CNTN6: variants seen among roughly 807,000 people sequenced by gnomAD.
CNTN6 encodes contactin 6, also known as contactin-6.
CNTN6 carries 137 observed loss-of-function variants against 122.8 expected under a neutral mutation model. That is an observed-to-expected ratio of 1.12 (90% CI 0.97 to 1.29). CNTN6 has a LOEUF of 1.29. Ranked by LOEUF, CNTN6 falls within the 50% of genes most tolerant of loss-of-function variation. CNTN6 has a pLI of 0.00. For synonymous variants in CNTN6, 570 were observed against 426.0 expected, an observed-to-expected ratio of 1.34 and a Z score of -4.16; for missense variants, 1,634 against 1,223.4, an observed-to-expected ratio of 1.34 and a Z score of -5.01.
At chr3:1,112,122 A>G (rs1305627406) in intron 1 of CNTN6, among the ~76,000 whole-genome samples, 1 of 152,144 alleles carries the variant, frequency 6.6e-6, no homozygotes, top group Non-Finnish European at 1.5e-5. Context: ...AATATGTAAA[A>G]CTTAAGGATC....
intron 1 of CNTN6, among the ~76,000 whole-genome samples, chr3:1,120,608 T>G (rs1360514138): frequency 6.6e-6 from 1 of 151,946 alleles, no homozygotes; most frequent in Non-Finnish European, 1.5e-5. Flanking sequence ...TCTCTCAGCC[T>G]CTGAAGAGCA....
chr3:1,391,861 C>A (rs1196065510), intron 20 of CNTN6, among the ~76,000 whole-genome samples: 4 of 151,912 alleles, frequency 2.6e-5, no homozygotes, highest in Non-Finnish European at 5.9e-5. Context: ...ATGTGAAGGA[C>A]CTCTTCAAGG....
chr3:1,382,598 G>T (rs1692065422), intron 17 of CNTN6, among the ~76,000 whole-genome samples: 1 of 152,146 alleles, frequency 6.6e-6, no homozygotes, highest in Non-Finnish European at 1.5e-5. Flanking sequence ...GTTAATTTGT[G>T]CTGAGTTTAA....
chr3:1,124,620 A>G (rs1472594315), intron 1 of CNTN6, among the ~76,000 whole-genome samples: 1 of 151,864 alleles, frequency 6.6e-6, no homozygotes, highest in Non-Finnish European at 1.5e-5. Context: ...GTGCTCTAAA[A>G]TCTCAGACAT....
chr3:1,205,399 C>T (rs2093944654), intron 2 of CNTN6, among the ~76,000 whole-genome samples: 1 of 152,196 alleles, frequency 6.6e-6, no homozygotes. Context: ...GTCTCAACTT[C>T]TCATGCAGAT....
chr3:1,113,632 G>A (rs750843471), intron 1 of CNTN6, among the ~76,000 whole-genome samples: 16 of 152,032 alleles, frequency 1.1e-4, no homozygotes, highest in Non-Finnish European at 2.1e-4. Context: ...AATGATTCTG[G>A]CAATGAGACT....
chr3:1,289,809 G>T (rs1418738941), intron 5 of CNTN6, among the ~76,000 whole-genome samples: 6 of 151,866 alleles, frequency 4.0e-5, no homozygotes, highest in Non-Finnish European at 8.8e-5. Context: ...CCAGCAGCTG[G>T]GACTACAGGT....
rs137876595 is a variant in CNTN6, at chr3:1,327,571, G to C, written c.1198G>C (p.Glu400Gln). 7.3e-4 allele frequency: 1,179 copies of C among 1,609,970 alleles called. 11 individuals carry two copies. The Middle Eastern group carries it at 0.019, about 26-fold the overall frequency. ...NKYQIIYANA[E>Q]LRVLASAPDF... ...ATATCAGATAATTTATGCAAATGCT[G>C]AATTGAGAGTTTTAGGTAAGTCGTT... The change falls in exon 10 of 23, where the codon GAA becomes CAA. Residue 400 changes from glutamate (E) to glutamine (Q), a missense_variant. By Grantham distance (29) the Glu-to-Gln change is conservative. Transcript: ENST00000446702.
intron 9 of CNTN6, among the ~76,000 whole-genome samples, chr3:1,326,968 A>T (rs1009783553): frequency 6.6e-6 from 1 of 151,918 alleles, no homozygotes; most frequent in Non-Finnish European, 1.5e-5. Context: ...GTTTAGGCAC[A>T]CTTTATAGTA....
intron 7 of CNTN6, among the ~76,000 whole-genome samples, chr3:1,317,289 C>T (rs1700226639): frequency 6.6e-6 from 1 of 151,636 alleles, no homozygotes; most frequent in African/African-American, 2.4e-5. Flanking sequence ...CTATAATAGC[C>T]AGGAGGAATC....
In CNTN6 at chr3:1,295,641, C is replaced by A. The variant is rs114806249; in HGVS notation, c.495C>A (p.Tyr165Ter). ...YAWTFNDNPL[Y>*]VQEDNRRFVS... ...GGACCTTCAATGATAACCCCTTATA[C>A]GTCCAAGAGGACAATAGGCGATTTG... Residue 165 changes from tyrosine (Y) to a stop codon, truncating the protein, a stop_gained, in exon 6 of 23, where the codon TAC becomes TAA. Transcript: ENST00000446702. LOFTEE classifies it high-confidence loss of function. 6 of 1,613,660 alleles carry A rather than the reference C, an allele frequency of 3.7e-6. No homozygotes were observed. The highest frequency in any genetic ancestry group is 1.7e-5 in the Admixed American group (1 of 59,988).
chr3:1,187,602 G>A (rs1279180306), intron 2 of CNTN6, among the ~76,000 whole-genome samples: 4 of 152,148 alleles, frequency 2.6e-5, no homozygotes, highest in Non-Finnish European at 5.9e-5. Context: ...TAGGGAGGCT[G>A]GGGTGGTCTG....
At chr3:1,275,910 T>C (rs1692265556) in intron 4 of CNTN6, among the ~76,000 whole-genome samples, 1 of 152,192 alleles carries the variant, frequency 6.6e-6, no homozygotes, top group Admixed American at 6.5e-5. Context: ...GGTTTTGGGA[T>C]TGGAGATCCC....
chr3:1,350,544 CAAT>C (rs1264052103), intron 11 of CNTN6, among the ~76,000 whole-genome samples: 4 of 151,764 alleles, frequency 2.6e-5, no homozygotes, highest in African/African-American at 7.2e-5. Flanking sequence ...TAATCAGCCT[CAAT>C]GATGGCAATT....
At chr3:1,156,380 A>G (rs990289309) in intron 2 of CNTN6, among the ~76,000 whole-genome samples, 2 of 152,228 alleles carry the variant, frequency 1.3e-5, no homozygotes, top group African/African-American at 4.8e-5. Flanking sequence ...TCTCTCAAAT[A>G]TATGCTCATT....
intron 17 of CNTN6, among the ~76,000 whole-genome samples, chr3:1,378,549 C>T (rs1398295656): frequency 6.6e-6 from 1 of 152,076 alleles, no homozygotes; most frequent in Non-Finnish European, 1.5e-5. Context: ...TCCATGAACA[C>T]TTGTTGAATG....
chr3:1,102,675 C>T (rs989871216), intron 1 of CNTN6, among the ~76,000 whole-genome samples: 2 of 149,578 alleles, frequency 1.3e-5, no homozygotes, highest in Non-Finnish European at 3.0e-5. Context: ...TTGCAGTGAG[C>T]AGAGATGGCG....
Position 1,373,781 on chromosome 3 carries a change from T to C in CNTN6, c.1945+19T>C. On this transcript the variant is annotated intron_variant, in intron 15 of 22. Coordinates refer to ENST00000446702, the MANE Select transcript of CNTN6 (RefSeq NM_001289080.2). ...GCTACAGGTGAGTGACAAAAGTGTTTTGGGTCACTTTAAAAATAATATTTT... is the reference window on the plus strand; with the variant it reads ...GCTACAGGTGAGTGACAAAAGTGTTCTGGGTCACTTTAAAAATAATATTTT... 1 of 1,564,434 alleles carries C rather than the reference T, an allele frequency of 6.4e-7. No homozygotes were observed. The highest frequency in any genetic ancestry group is 2.3e-5 in the East Asian group (1 of 44,014).
intron 1 of CNTN6, among the ~76,000 whole-genome samples, chr3:1,097,376 T>C (rs2090586223): frequency 6.6e-6 from 1 of 152,196 alleles, no homozygotes; most frequent in Non-Finnish European, 1.5e-5. Context: ...TACAATTAAA[T>C]GAATAAATGA....
Sources: gnomAD v4.1 joint callset for allele counts (sites outside exome capture counted in the v4.1 genomes callset) on GRCh38, gnomAD v4.1.1 for gene constraint, MANE v1.5 for transcripts, NCBI Gene and HGNC (gene_info 2026-07-23, HGNC 2026-07-21) for gene names.